ELMOD1: variants seen among roughly 807,000 people sequenced by gnomAD.
ELMOD1 encodes the protein ELMO domain-containing protein 1.
ELMOD1 carries 21 observed loss-of-function variants against 46.7 expected under a neutral mutation model. That is an observed-to-expected ratio of 0.45 (90% CI 0.32 to 0.65). The LOEUF is 0.65. Among genes scored for constraint, ELMOD1 ranks in the 30% least tolerant of loss-of-function variants. The pLI is 0.04. For missense variants in ELMOD1, 348 were observed against 407.8 expected, an observed-to-expected ratio of 0.85 and a Z score of 1.26; for synonymous variants, 122 against 138.2, an observed-to-expected ratio of 0.88 and a Z score of 0.82.
chr11:107,616,045 G>C lies in ELMOD1; in HGVS notation c.-85-2060G>C, dbSNP rs557847648. On this transcript the variant is annotated intron_variant, in intron 1 of 11. Transcript: ENST00000265840. ...GAGTCTCACTTTGTTGCCCAGGCTG[G>C]AGTGCAGTGGTGCCATCTTGCCTCA... Among the ~76,000 whole-genome samples the C allele has an allele frequency of 1.5e-3, 204 of 134,970 alleles. 1 individual carries two copies. Among genetic ancestry groups the C allele is most frequent in the South Asian group, 0.013 (52 of 4,156 alleles). 88.5% of individuals were successfully genotyped at this position (134,970 alleles called of 152,430 possible). A position where few individuals can be genotyped will look rare whatever the true frequency, so the allele number is the denominator to read the frequency against.
At chr11:107,601,782 C>G (rs1400934520) in intron 1 of ELMOD1, among the ~76,000 whole-genome samples, 1 of 152,180 alleles carries the variant, frequency 6.6e-6, no homozygotes, top group African/African-American at 2.4e-5. Flanking sequence ...TATCCCCAAA[C>G]CAACAGAGTT....
At chr11:107,619,997 T>G (rs1237346078) in intron 2 of ELMOD1, 1 of 152,226 alleles carries the variant, frequency 6.6e-6, no homozygotes, top group East Asian at 1.9e-4. Flanking sequence ...AAAAGGAAAC[T>G]TGATCATTTC....
chr11:107,630,097 TAA>T (rs1866109970), intron 2 of ELMOD1, among the ~76,000 whole-genome samples: 1 of 152,148 alleles, frequency 6.6e-6, no homozygotes, highest in Admixed American at 6.5e-5. Flanking sequence ...CAAGCAGTAT[TAA>T]AGGATTCTGT....
intron 1 of ELMOD1, among the ~76,000 whole-genome samples, chr11:107,605,973 C>G (rs959364014): frequency 6.6e-6 from 1 of 152,182 alleles, no homozygotes; most frequent in African/African-American, 2.4e-5. Flanking sequence ...TGTATAAAGT[C>G]AAAAAATTGC....
At chr11:107,609,256 G>T (rs1441766702) in intron 1 of ELMOD1, among the ~76,000 whole-genome samples, 1 of 152,112 alleles carries the variant, frequency 6.6e-6, no homozygotes, top group Non-Finnish European at 1.5e-5. Context: ...ATAAAATTTT[G>T]TTTATAAATG....
intron 1 of ELMOD1, among the ~76,000 whole-genome samples, chr11:107,602,635 AATGAGT>A (rs1172556393): frequency 6.6e-6 from 1 of 151,576 alleles, no homozygotes; most frequent in Non-Finnish European, 1.5e-5. Context: ...GTTCCTATTT[AATGAGT>A]ATAATATTTT....
At position 107,665,253 on chromosome 11, in the gene ELMOD1, A is replaced by G. The variant is rs1011492812; in HGVS notation, c.*56A>G. 62 of 1,566,932 alleles carry G rather than the reference A, an allele frequency of 4.0e-5. No individual in the cohort carries two copies. The highest frequency in any genetic ancestry group is 5.4e-5 in the Non-Finnish European group (62 of 1,147,944). On this transcript the variant is annotated 3_prime_UTR_variant, in exon 12 of 12. Transcript: ENST00000265840. ...GAACACTGCCTCATTGTCTTGTTAG[A>G]TCTCTGCTTAGGTCGCAGCTCACGC...
At chr11:107,621,842 C>T (rs993790758) in intron 2 of ELMOD1, among the ~76,000 whole-genome samples, 4 of 152,168 alleles carry the variant, frequency 2.6e-5, no homozygotes, top group Non-Finnish European at 4.4e-5. Flanking sequence ...GCCTGGCCAA[C>T]AAGGTGAAAC....
At chr11:107,619,756 A>C (rs1277533168) in intron 2 of ELMOD1, among the ~76,000 whole-genome samples, 4 of 152,254 alleles carry the variant, frequency 2.6e-5, no homozygotes, top group Non-Finnish European at 4.4e-5. Context: ...GAACTGGTAC[A>C]GTGAAAATCT....
intron 11 of ELMOD1, among the ~76,000 whole-genome samples, chr11:107,662,136 C>A (rs1282418360): frequency 6.6e-6 from 1 of 152,112 alleles, no homozygotes; most frequent in Non-Finnish European, 1.5e-5. Flanking sequence ...GAGGAAGAAC[C>A]TTTATTTGTT....
intron 1 of ELMOD1, among the ~76,000 whole-genome samples, chr11:107,605,047 T>G (rs1175166429): frequency 6.6e-6 from 1 of 152,218 alleles, no homozygotes; most frequent in Non-Finnish European, 1.5e-5. Flanking sequence ...AGTTTATTAT[T>G]TTATCATGGT....
intron 1 of ELMOD1, among the ~76,000 whole-genome samples, chr11:107,602,726 C>CTTT (rs71047612): frequency 6.9e-6 from 1 of 144,658 alleles, no homozygotes; most frequent in Non-Finnish European, 1.5e-5. Flanking sequence ...TTCAGATTCC[C>CTTT]TTTTTTTTTT....
At chr11:107,616,551 G>A (rs1405543733) in intron 1 of ELMOD1, among the ~76,000 whole-genome samples, 35 of 151,938 alleles carry the variant, frequency 2.3e-4, no homozygotes, top group Admixed American at 2.3e-3. Context: ...GCCAATTTCT[G>A]TATTTTTAGT....
intron 6 of ELMOD1, among the ~76,000 whole-genome samples, chr11:107,642,354 GATA>G (rs1364105190): frequency 2.0e-5 from 3 of 151,508 alleles, no homozygotes; most frequent in African/African-American, 4.9e-5. Context: ...ATTATAAACA[GATA>G]ATACTAATCT....
chr11:107,654,787 A>AG (rs1866597363), intron 10 of ELMOD1, among the ~76,000 whole-genome samples: 1 of 151,462 alleles, frequency 6.6e-6, no homozygotes, highest in African/African-American at 2.4e-5. Context: ...AAAAAAAAAA[A>AG]GAATTGTGTT....
At chr11:107,655,847 G>C (rs2135714389) in intron 10 of ELMOD1, 86 bp from the exon 11 acceptor site, 1 of 1,410,978 alleles carries the variant, frequency 7.1e-7, no homozygotes, top group Non-Finnish European at 9.6e-7. Flanking sequence ...TCGTGGCACT[G>C]GTAGGAGTGT....
At chr11:107,612,076 A>G (rs1865790252) in intron 1 of ELMOD1, among the ~76,000 whole-genome samples, 1 of 152,242 alleles carries the variant, frequency 6.6e-6, no homozygotes, top group South Asian at 2.1e-4. Flanking sequence ...TGTTCGTCAC[A>G]GCATATGTTC....
At chr11:107,653,242 G>A (rs1431825280) in intron 9 of ELMOD1, among the ~76,000 whole-genome samples, 1 of 152,084 alleles carries the variant, frequency 6.6e-6, no homozygotes, top group Non-Finnish European at 1.5e-5. Context: ...GAATGGGAGT[G>A]GGGCAGATGC....
chr11:107,627,209 G>A (rs1866059047), intron 2 of ELMOD1, among the ~76,000 whole-genome samples: 5 of 152,162 alleles, frequency 3.3e-5, no homozygotes, highest in Admixed American at 3.3e-4. Context: ...AAAATAAGGG[G>A]AGAAAATAGA....
Sources: allele counts gnomAD v4.1 joint callset (sites outside exome capture counted in the v4.1 genomes callset), GRCh38; gene constraint gnomAD v4.1.1; transcripts MANE v1.5; gene names NCBI Gene and HGNC (gene_info 2026-07-23, HGNC 2026-07-21).